Variants in POGZ observed in about 807,000 individuals in gnomAD.
The protein encoded by POGZ is pogo transposable element with ZNF domain.
In POGZ, 17 loss-of-function variants were observed where a neutral mutation model predicts 134.6. The ratio of observed to expected loss-of-function variants is 0.13; its 90% CI spans 0.09 to 0.19. POGZ has a LOEUF of 0.19. Among genes scored for constraint, POGZ ranks in the 10% least tolerant of loss-of-function variants. The pLI is 1.00. For missense variants in POGZ, 1,306 were observed against 1,769.7 expected, an observed-to-expected ratio of 0.74 and a Z score of 4.70; for synonymous variants, 693 against 657.1, an observed-to-expected ratio of 1.05 and a Z score of -0.84.
intron 1 of POGZ, among the ~76,000 whole-genome samples, chr1:151,443,839 C>T (rs1234396255): frequency 2.0e-5 from 3 of 152,178 alleles, no homozygotes; most frequent in Admixed American, 6.6e-5. Flanking sequence ...TGTGTTGGAA[C>T]GGGAGTACTA....
At chr1:151,424,843 T>A (rs1413505085) in intron 8 of POGZ, 112 bp downstream of exon 8, 3 of 640,712 alleles carry the variant, frequency 4.7e-6, no homozygotes, top group Non-Finnish European at 8.6e-6. Context: ...AGAGAAACAG[T>A]AACCCTTTAA....
At chr1:151,425,597 C>G (rs139367821) in intron 7 of POGZ, among the ~76,000 whole-genome samples, 2 of 152,248 alleles carry the variant, frequency 1.3e-5, no homozygotes, top group East Asian at 3.9e-4. Flanking sequence ...TAAGTGGAAT[C>G]ATATGGTACT....
chr1:151,452,475 C>G (rs1662241059), intron 1 of POGZ, among the ~76,000 whole-genome samples: 1 of 151,818 alleles, frequency 6.6e-6, no homozygotes, highest in South Asian at 2.1e-4. Context: ...CTCAGCCTCC[C>G]AAGTAGTTGT....
chr1:151,408,980 T>A, intron 12 of POGZ, 152 bp from the exon 13 acceptor site: 1 of 693,916 alleles, frequency 1.4e-6, no homozygotes, highest in East Asian at 2.6e-5. Context: ...ATATGCAACA[T>A]GACCACAAAA....
chr1:151,423,051 C>T (rs1437242248), intron 10 of POGZ, among the ~76,000 whole-genome samples: 1 of 152,088 alleles, frequency 6.6e-6, no homozygotes, highest in African/African-American at 2.4e-5. Context: ...CTACATAAAA[C>T]CTATCAGGGT....
rs749645880 is a variant in POGZ at position 151,442,068 on chromosome 1, G to A, written c.124+13C>T. On this transcript the variant is annotated intron_variant, in intron 2 of 18. Coordinates refer to ENST00000271715, the MANE Select transcript of POGZ (RefSeq NM_015100.4). ...TAATTTAAACCATCTAAGATCAGAAGAGCTTTTGTTACCTGTGGTAGTTTT... is the reference window on the plus strand; with the variant it reads ...TAATTTAAACCATCTAAGATCAGAAAAGCTTTTGTTACCTGTGGTAGTTTT... 1 of 1,574,804 alleles carries A rather than the reference G, an allele frequency of 6.3e-7. No homozygotes were observed. The highest frequency in any genetic ancestry group is 1.1e-5 in the South Asian group (1 of 89,506).
At chr1:151,430,139 A>T (rs928660475) in intron 4 of POGZ, among the ~76,000 whole-genome samples, 1 of 152,216 alleles carries the variant, frequency 6.6e-6, no homozygotes, top group Non-Finnish European at 1.5e-5. Context: ...ACCTTTGGCA[A>T]ATTCATAAGA....
At chr1:151,458,349 C>T (rs1417789347) in intron 1 of POGZ, among the ~76,000 whole-genome samples, 2 of 152,034 alleles carry the variant, frequency 1.3e-5, no homozygotes, top group Non-Finnish European at 2.9e-5. Context: ...AAAGATTCCC[C>T]GCCTCATTCC....
chr1:151,415,077 G>C (rs1023877542), intron 10 of POGZ, among the ~76,000 whole-genome samples: 2 of 152,126 alleles, frequency 1.3e-5, no homozygotes, highest in Non-Finnish European at 2.9e-5. Flanking sequence ...AATTATGGAA[G>C]GATAGATCTC....
At chr1:151,454,156 C>G (rs1662488453) in intron 1 of POGZ, among the ~76,000 whole-genome samples, 1 of 152,124 alleles carries the variant, frequency 6.6e-6, no homozygotes, top group Admixed American at 6.5e-5. Flanking sequence ...CAGTACATAC[C>G]TGCCCAAAAA....
chr1:151,450,193 G>A (rs1661873719), intron 1 of POGZ, among the ~76,000 whole-genome samples: 1 of 151,692 alleles, frequency 6.6e-6, no homozygotes, highest in Non-Finnish European at 1.5e-5. Flanking sequence ...CACCACGGCT[G>A]GCTAGTTTTT....
At chr1:151,439,555 T>C (rs1271568544) in intron 3 of POGZ, among the ~76,000 whole-genome samples, 3 of 152,214 alleles carry the variant, frequency 2.0e-5, no homozygotes, top group Non-Finnish European at 2.9e-5. Flanking sequence ...AGACTTTATA[T>C]TGCAAATACG....
Position 151,423,988 on chromosome 1 carries a change from C to CGGAAAGATGTGGCGACCTTAG in POGZ, c.1463_1483dup (p.Pro488_Phe494dup). 6.2e-7 allele frequency: 1 copy of CGGAAAGATGTGGCGACCTTAG among 1,614,072 alleles called. No homozygotes were observed. Among genetic ancestry groups the CGGAAAGATGTGGCGACCTTAG allele is most frequent in the Non-Finnish European group, 8.5e-7 (1 of 1,179,988 alleles). On this transcript the variant is annotated inframe_insertion, in exon 9 of 19. Coordinates refer to ENST00000271715, the MANE Select transcript of POGZ (RefSeq NM_015100.4). Reference sequence around the variant, plus strand: ...TAGCCTTTTGGTACAATGTGGGCATCGGAAAGATGTGGCGACCTTAGGGAA... The same window carrying CGGAAAGATGTGGCGACCTTAG: ...TAGCCTTTTGGTACAATGTGGGCATCGGAAAGATGTGGCGACCTTAGGGAAAGATGTGGCGACCTTAGGGAA...
At chr1:151,440,298 C>A (rs755368359) in intron 3 of POGZ, among the ~76,000 whole-genome samples, 1 of 151,334 alleles carries the variant, frequency 6.6e-6, no homozygotes, top group Non-Finnish European at 1.5e-5. Flanking sequence ...TCCCTCGCAG[C>A]GATGCAATGA....
Position 151,403,924 on chromosome 1 carries a change from C to T in POGZ, c.*878G>A, listed in dbSNP as rs906107846. 36 of 985,274 alleles carry T rather than the reference C, an allele frequency of 3.7e-5. No homozygotes were observed. In the African/African-American group the frequency reaches 5.1e-4, roughly 14 times the overall value. The allele number at this position is 985,274 out of a possible 1,614,324, so 61.0% of individuals were successfully genotyped here. ...GGCTTCCACCCTAAAACTGTTTGAT[C>T]GCTTCAGTATCTCTTGCTTGCTAAT... On this transcript the variant is annotated 3_prime_UTR_variant, in exon 19 of 19. Transcript: ENST00000271715.
intron 3 of POGZ, 72 bp from the exon 4 acceptor site, chr1:151,430,913 ATT>A: frequency 8.3e-6 from 2 of 241,360 alleles, no homozygotes; most frequent in Non-Finnish European, 1.3e-5. Context: ...ACTTTATTTT[ATT>A]TTATTTTATT....
Position 151,408,837 on chromosome 1 carries a change from G to C in POGZ, c.1927-9C>G, listed in dbSNP as rs779795720. On this transcript the variant is annotated splice_polypyrimidine_tract_variant and intron_variant, in intron 12 of 18. Coordinates refer to ENST00000271715, the MANE Select transcript of POGZ (RefSeq NM_015100.4). The stretch of plus-strand genomic sequence containing the variant: ...TGATAAACATTTCTCTTCTGAAGTG[G>C]GGGAGGGAAAAAAAGAGACAAAATC... The C allele has an allele frequency of 1.3e-6, 2 of 1,536,572 alleles. No homozygotes were observed. Among genetic ancestry groups the C allele is most frequent in the Non-Finnish European group, 1.8e-6 (2 of 1,132,498 alleles).
chr1:151,458,684 G>GCGCCCC (rs951528120), intron 1 of POGZ, among the ~76,000 whole-genome samples: 24 of 141,638 alleles, frequency 1.7e-4, no homozygotes, highest in East Asian at 6.3e-4. Context: ...GCCACCGCCC[G>GCGCCCC]CGCCCCCGCC....
At chr1:151,446,274 A>AAAAG (rs139456031) in intron 1 of POGZ, among the ~76,000 whole-genome samples, 7 of 126,178 alleles carry the variant, frequency 5.5e-5, no homozygotes, top group Admixed American at 8.2e-5. Context: ...AAAAAAAAAA[A>AAAAG]CGAATTTTAT....
Sources: gnomAD v4.1 joint callset for allele counts (sites outside exome capture counted in the v4.1 genomes callset) on GRCh38, gnomAD v4.1.1 for gene constraint, MANE v1.5 for transcripts, NCBI Gene and HGNC (gene_info 2026-07-23, HGNC 2026-07-21) for gene names.